The following FBXO17 variants were observed in gnomAD, a reference collection of about 807,000 sequenced individuals.
The protein encoded by FBXO17 is F-box protein 17.
FBXO17 carries 43 observed loss-of-function variants against 34.1 expected under a neutral mutation model. The observed-to-expected ratio is 1.26, with a 90% CI of 0.99 to 1.62. The LOEUF is 1.62. Ranked by LOEUF, FBXO17 falls within the 40% of genes most tolerant of loss-of-function variation. The probability of loss-of-function intolerance (pLI) is 0.00; values close to 1 mark genes in which losing one functional copy is unlikely to be tolerated. For missense variants in FBXO17, 424 were observed against 386.7 expected (o/e 1.10, Z -0.81); for synonymous variants, 169 against 166.0 (o/e 1.02, Z -0.14).
chr19:38,945,882 G>GT (rs1312485566), intron 4 of FBXO17: 4 of 184,242 alleles, frequency 2.2e-5, no homozygotes, highest in African/African-American at 9.6e-5. Flanking sequence ...AGGCTTTTGG[G>GT]TAGGTAGTTG....
Position 38,942,303 on chromosome 19 carries a change from ACC to A in FBXO17, c.*303_*304del, listed in dbSNP as rs1974900321. Reference sequence around the variant, plus strand: ...CATTGATATAGGGTCTTGCTTTCTCACCCAGGCTGGAGTGGTGGTGAAATCAC... The same window carrying A: ...CATTGATATAGGGTCTTGCTTTCTCACAGGCTGGAGTGGTGGTGAAATCAC... On this transcript the variant is annotated 3_prime_UTR_variant, in exon 6 of 6. Transcript: ENST00000292852. The A allele has an allele frequency of 3.1e-5, 6 of 192,294 alleles. No homozygotes were observed. Among genetic ancestry groups the A allele is most frequent in the African/African-American group, 1.6e-4 (6 of 36,856 alleles). The allele number at this position is 192,294 out of a possible 1,614,324, so 11.9% of individuals were successfully genotyped here.
chr19:38,967,197 C>A (rs1011427185), intron 1 of FBXO17, among the ~76,000 whole-genome samples: 7 of 152,206 alleles, frequency 4.6e-5, no homozygotes, highest in Admixed American at 1.3e-4. Context: ...GTGGCTCACG[C>A]CTGTAATCCC....
intron 1 of FBXO17, among the ~76,000 whole-genome samples, chr19:38,965,392 A>G (rs1050171902): frequency 6.6e-6 from 1 of 151,500 alleles, no homozygotes; most frequent in Non-Finnish European, 1.5e-5. Context: ...GCATGACACA[A>G]TCTCAGCTCA....
rs144507309 is a variant in FBXO17 at position 38,949,707 on chromosome 19, T to G, written c.349+264A>C. ...CCCCTGTCCTGTTCTGCATCCCCTC[T>G]GCATACCAAACTACTTGCTTTCTCC... is the stretch of plus-strand genomic sequence containing the variant. On this transcript the variant is annotated intron_variant, in intron 2 of 5. Coordinates refer to ENST00000292852, the MANE Select transcript of FBXO17 (RefSeq NM_024907.7). 1.6e-3 allele frequency: 917 copies of G among 574,310 alleles called. 7 individuals are homozygous for G. The highest frequency in any genetic ancestry group is 0.015 in the African/African-American group (779 of 51,164). 35.6% of individuals were successfully genotyped at this position (574,310 alleles called of 1,614,324 possible). A position where few individuals can be genotyped will look rare whatever the true frequency, so the allele number is the denominator to read the frequency against.
chr19:38,962,662 CTT>C (rs1165909967), intron 1 of FBXO17, among the ~76,000 whole-genome samples: 3 of 152,124 alleles, frequency 2.0e-5, no homozygotes, highest in Non-Finnish European at 4.4e-5. Flanking sequence ...CTATCTTAGA[CTT>C]AGGAGGAGTG....
intron 1 of FBXO17, 131 bp from the exon 2 acceptor site, chr19:38,950,467 T>C (rs967817085): frequency 1.6e-6 from 2 of 1,244,852 alleles, no homozygotes; most frequent in African/African-American, 3.2e-5. Flanking sequence ...AGGGACCCAT[T>C]TCCCTCTCTG....
chr19:38,944,533 T>A (rs1974944181), intron 5 of FBXO17, among the ~76,000 whole-genome samples: 1 of 152,228 alleles, frequency 6.6e-6, no homozygotes, highest in African/African-American at 2.4e-5. Context: ...TATGAGCCAC[T>A]GTGCCCAGCC....
chr19:38,946,569 T>C lies in FBXO17; in HGVS notation c.462-2A>G. On this transcript the variant is annotated splice_acceptor_variant, in intron 3 of 5. Coordinates refer to ENST00000292852, the MANE Select transcript of FBXO17 (RefSeq NM_024907.7). LOFTEE classifies it high-confidence loss of function. ...ACAAGCTGCCTCTTGGAGCACCATC[T>C]GGGAAGGAGAGATGGCAGGGGGCAG... 6.2e-7 allele frequency: 1 copy of C among 1,613,928 alleles called. No homozygotes were observed. The highest frequency in any genetic ancestry group is 1.3e-5 in the African/African-American group (1 of 75,010).
At chr19:38,961,644 G>A (rs540943213) in intron 1 of FBXO17, among the ~76,000 whole-genome samples, 1 of 123,070 alleles carries the variant, frequency 8.1e-6, no homozygotes, top group East Asian at 3.1e-4. Context: ...CCCACCCAAA[G>A]TCAACTACTA....
chr19:38,962,446 T>C (rs58919660), intron 1 of FBXO17, among the ~76,000 whole-genome samples: 6,069 of 152,252 alleles, frequency 0.04, 409 homozygotes, highest in African/African-American at 0.14. Flanking sequence ...CTCTGGCACA[T>C]GGCTCCTGAA....
intron 5 of FBXO17, among the ~76,000 whole-genome samples, chr19:38,944,270 T>TTATTATTATTATTATTA (rs928940488): frequency 1.3e-5 from 2 of 150,664 alleles, no homozygotes; most frequent in East Asian, 3.9e-4. Flanking sequence ...ATTATTATTA[T>TTATTATTATTATTATTA]TATTATTATT....
At chr19:38,960,000 G>A (rs1171965848) in intron 1 of FBXO17, among the ~76,000 whole-genome samples, 1 of 152,080 alleles carries the variant, frequency 6.6e-6, no homozygotes, top group Non-Finnish European at 1.5e-5. Context: ...AAACAGATAT[G>A]GCAGTCCATG....
rs1056981159 is a variant in FBXO17 at position 38,975,292 on chromosome 19, C to A, written c.-18+294G>T. On this transcript the variant is annotated intron_variant, in intron 1 of 5. Coordinates refer to ENST00000292852, the MANE Select transcript of FBXO17 (RefSeq NM_024907.7). The surrounding 1 kb of genome is among the most constrained non-coding windows in gnomAD (Gnocchi z 4.9). The stretch of plus-strand genomic sequence containing the variant: ...TGGCAGGGGTTTTGGATGGTGGCCT[C>A]CGCGGACGAGCGCAGGGATGGAGAG... Among the ~76,000 whole-genome samples the A allele has an allele frequency of 2.0e-5, 3 of 152,242 alleles. No homozygotes were observed. Among genetic ancestry groups the A allele is most frequent in the African/African-American group, 7.2e-5 (3 of 41,460 alleles).
In FBXO17 at chr19:38,953,164, G is replaced by A. The variant is rs111355766; in HGVS notation, c.-17-2828C>T. 6.8e-3 allele frequency among the ~76,000 whole-genome samples: 1,040 copies of A among 152,014 alleles called. 11 individuals are homozygous for A. The highest frequency in any genetic ancestry group is 0.023 in the African/African-American group (950 of 41,478). ...AAAAAATAAAATGAAAAAATTAGCC[G>A]GGTGTGGTGGTGCACACCTGTAGTC... On this transcript the variant is annotated intron_variant, in intron 1 of 5. Coordinates refer to ENST00000292852, the MANE Select transcript of FBXO17 (RefSeq NM_024907.7).
At chr19:38,946,430 AG>A in intron 4 of FBXO17, 41 bp downstream of exon 4, 1 of 1,612,690 alleles carries the variant, frequency 6.2e-7, no homozygotes. Context: ...GCCGCTGCCA[AG>A]CCTGCTGCTG....
At chr19:38,954,330 C>T (rs1049872138) in intron 1 of FBXO17, among the ~76,000 whole-genome samples, 47 of 151,988 alleles carry the variant, frequency 3.1e-4, no homozygotes, top group African/African-American at 9.2e-4. Flanking sequence ...AGTGCAGTGG[C>T]GCGATTTCAG....
chr19:38,948,641 G>C lies in FBXO17; in HGVS notation c.387C>G (p.Asn129Lys). The change falls in exon 3 of 6, where the codon AAC (asparagine) becomes AAG (lysine). Residue 129 changes from asparagine to lysine, a missense_variant. By Grantham distance (94) the Asn-to-Lys change is moderately conservative. Transcript: ENST00000292852. ...TTAGGTTCTTTTCTATGGCCCAGCC[G>C]TTCCCGCCATGCTCCACCTCCCAGC... ...FRGWEVEHGGNGWAIEKNLTP... is the reference protein window; with the variant it reads ...FRGWEVEHGGKGWAIEKNLTP... 6.2e-7 allele frequency: 1 copy of C among 1,614,042 alleles called. No individual in the cohort carries two copies. Among genetic ancestry groups the C allele is most frequent in the Non-Finnish European group, 8.5e-7 (1 of 1,179,972 alleles).
At chr19:38,956,479 C>T (rs10412049) in intron 1 of FBXO17, among the ~76,000 whole-genome samples, 50,592 of 151,894 alleles carry the variant, frequency 0.33, 9,310 homozygotes, top group African/African-American at 0.47. Flanking sequence ...GAGAGTTTTG[C>T]CCATTAAACA....
intron 5 of FBXO17, 44 bp downstream of exon 5, chr19:38,944,925 G>A (rs1394839994): frequency 1.2e-6 from 2 of 1,609,644 alleles, no homozygotes; most frequent in Non-Finnish European, 8.5e-7. Context: ...GGGCGTGTGT[G>A]CCTTTAGCGG....
Sources: gnomAD v4.1 joint callset for allele counts (sites outside exome capture counted in the v4.1 genomes callset) on GRCh38, gnomAD v4.1.1 for gene constraint, Gnocchi (gnomAD v3.1) non-coding constraint, MANE v1.5 for transcripts, NCBI Gene and HGNC (gene_info 2026-07-23, HGNC 2026-07-21) for gene names.